TESK2: variants seen among roughly 807,000 people sequenced by gnomAD.
TESK2 encodes the protein dual specificity testis-specific protein kinase 2.
In TESK2, 39 loss-of-function variants were observed where a neutral mutation model predicts 57.1. The ratio of observed to expected loss-of-function variants is 0.68; its 90% CI spans 0.53 to 0.89. TESK2 has a LOEUF of 0.89. Ranked by LOEUF, TESK2 falls within the 40% of genes least tolerant of loss-of-function variation. The pLI is 0.00. For synonymous variants in TESK2, 249 were observed against 267.9 expected, an observed-to-expected ratio of 0.93 and a Z score of 0.69; for missense variants, 646 against 732.1, an observed-to-expected ratio of 0.88 and a Z score of 1.36.
chr1:45,401,414 T>A (rs377635641), intron 3 of TESK2, among the ~76,000 whole-genome samples: 1 of 151,266 alleles, frequency 6.6e-6, no homozygotes, highest in East Asian at 1.9e-4. Context: ...ATAATAATAA[T>A]AAATAAATAA....
chr1:45,349,527 CT>C (rs1375399582), intron 5 of TESK2, among the ~76,000 whole-genome samples: 8 of 152,150 alleles, frequency 5.3e-5, no homozygotes, highest in African/African-American at 1.9e-4. Context: ...CTCTTCCCTC[CT>C]AGAAGACTTT....
intron 2 of TESK2, among the ~76,000 whole-genome samples, chr1:45,438,397 G>A (rs1557574048): frequency 6.6e-6 from 1 of 152,166 alleles, no homozygotes; most frequent in Non-Finnish European, 1.5e-5. Context: ...TTGGGAGGCT[G>A]AGACAGCAGA....
Position 45,355,381 on chromosome 1 carries a change from T to C in TESK2, c.462A>G (p.Val154=), listed in dbSNP as rs1390299632. 1 of 1,614,056 alleles carries C rather than the reference T, an allele frequency of 6.2e-7. No individual in the cohort carries two copies. Among genetic ancestry groups the C allele is most frequent in the South Asian group, 1.1e-5 (1 of 91,042 alleles). Residue 154 remains valine (V), a synonymous_variant, in exon 5 of 11, where the codon GTA becomes GTG. Coordinates refer to ENST00000372086, the MANE Select transcript of TESK2 (RefSeq NM_007170.3). ...CCACTGCTATGTCATAGGCCAGTTT[T>C]ACCCTCACAGTCCAAGGCAAATGCA... ...SNLHLPWTVR[V]KLAYDIAVGL... is the part of the protein sequence containing the mutation.
chr1:45,470,501 A>T (rs1652717129), intron 1 of TESK2, among the ~76,000 whole-genome samples: 1 of 152,250 alleles, frequency 6.6e-6, no homozygotes, highest in East Asian at 1.9e-4. Context: ...TTATCTAATT[A>T]ACCACGAATA....
rs563503538 is a variant in TESK2, at chr1:45,463,007, G to T, written c.-86-5136C>A. Among the ~76,000 whole-genome samples, 84 of 152,270 alleles carry T rather than the reference G, an allele frequency of 5.5e-4. 1 individual carries two copies. Among genetic ancestry groups the T allele is most frequent in the African/African-American group, 2.0e-3 (83 of 41,574 alleles). ...TCAATATGTTTAGGAACTTTACATA[G>T]ATCTGTTTGCCATTTGTATGCCTCC... On this transcript the variant is annotated intron_variant, in intron 1 of 10. Coordinates refer to ENST00000372086, the MANE Select transcript of TESK2 (RefSeq NM_007170.3).
intron 4 of TESK2, among the ~76,000 whole-genome samples, chr1:45,372,125 G>A (rs1471829057): frequency 1.3e-5 from 2 of 152,108 alleles, no homozygotes; most frequent in Non-Finnish European, 1.5e-5. Flanking sequence ...GCACACGCCT[G>A]TAGTATCAGC....
At chr1:45,453,842 C>T (rs1651969142) in intron 2 of TESK2, among the ~76,000 whole-genome samples, 1 of 151,856 alleles carries the variant, frequency 6.6e-6, no homozygotes, top group African/African-American at 2.4e-5. Context: ...CAATGCAATT[C>T]AAAAATGAGC....
rs376568657 is a variant in TESK2 at position 45,352,595 on chromosome 1, G to A, written c.540+2708C>T. Among the ~76,000 whole-genome samples, 107 of 152,242 alleles carry A rather than the reference G, an allele frequency of 7.0e-4. 1 individual carries two copies. Among genetic ancestry groups the A allele is most frequent in the African/African-American group, 2.5e-3 (102 of 41,546 alleles). ...ATCTTTCCTGCTCAGAAAACTTGTCGTCTATGTAGCTAAACAATTATAAAA... is the reference window on the plus strand; with the variant it reads ...ATCTTTCCTGCTCAGAAAACTTGTCATCTATGTAGCTAAACAATTATAAAA... On this transcript the variant is annotated intron_variant, in intron 5 of 10. Coordinates refer to ENST00000372086, the MANE Select transcript of TESK2 (RefSeq NM_007170.3).
Position 45,445,312 on chromosome 1 carries a change from G to T in TESK2, c.222+12252C>A, listed in dbSNP as rs74966643. 5.6e-4 allele frequency among the ~76,000 whole-genome samples: 85 copies of T among 152,134 alleles called. No individual in the cohort carries two copies. In the East Asian group the frequency reaches 0.013, roughly 23 times the overall value. On this transcript the variant is annotated intron_variant, in intron 2 of 10. Transcript: ENST00000372086. Reference sequence around the variant, plus strand: ...CTTGGGGAGATAGACTTGAGAAATAGCTCTCATTCTCATTGCTTGGCTTGC... The same window carrying T: ...CTTGGGGAGATAGACTTGAGAAATATCTCTCATTCTCATTGCTTGGCTTGC...
intron 2 of TESK2, among the ~76,000 whole-genome samples, chr1:45,434,806 C>G (rs1403456575): frequency 6.6e-6 from 1 of 152,042 alleles, no homozygotes; most frequent in African/African-American, 2.4e-5. Flanking sequence ...TGTCTCTTCA[C>G]TCTATTGTTT....
At chr1:45,445,798 GA>G (rs1210225004) in intron 2 of TESK2, among the ~76,000 whole-genome samples, 1 of 151,694 alleles carries the variant, frequency 6.6e-6, no homozygotes, top group Non-Finnish European at 1.5e-5. Flanking sequence ...CTGTCTCCAA[GA>G]AATAAATAAA....
chr1:45,472,374 A>G (rs1271188982), intron 1 of TESK2, among the ~76,000 whole-genome samples: 2 of 151,604 alleles, frequency 1.3e-5, no homozygotes, highest in Admixed American at 1.3e-4. Context: ...CCTGGCCAAC[A>G]TGGGGAAACC....
At chr1:45,476,638 G>C (rs890674093) in intron 1 of TESK2, among the ~76,000 whole-genome samples, 1 of 151,448 alleles carries the variant, frequency 6.6e-6, no homozygotes, top group East Asian at 2.0e-4. Context: ...ACAAGGTCAG[G>C]AGATCAAGGC....
chr1:45,441,437 A>G (rs1487854510), intron 2 of TESK2, among the ~76,000 whole-genome samples: 1 of 151,958 alleles, frequency 6.6e-6, no homozygotes, highest in Non-Finnish European at 1.5e-5. Context: ...TCGTCCTCCC[A>G]GTGTGCTGAG....
At chr1:45,443,292 T>C (rs1371738403) in intron 2 of TESK2, among the ~76,000 whole-genome samples, 1 of 151,906 alleles carries the variant, frequency 6.6e-6, no homozygotes, top group Non-Finnish European at 1.5e-5. Flanking sequence ...TGGCCGGGCA[T>C]GGTGGTTCAT....
At chr1:45,479,022 C>G (rs183909389) in intron 1 of TESK2, among the ~76,000 whole-genome samples, 1 of 152,212 alleles carries the variant, frequency 6.6e-6, no homozygotes, top group East Asian at 1.9e-4. Flanking sequence ...CCATACCCAG[C>G]CTGTTTTTAA....
intron 8 of TESK2, 36 bp downstream of exon 8, chr1:45,346,943 C>G (rs1320970890): frequency 6.2e-7 from 1 of 1,604,326 alleles, no homozygotes; most frequent in African/African-American, 1.3e-5. Context: ...CAAACTAGCC[C>G]CATCAGTGGC....
At chr1:45,466,389 T>A (rs1652553116) in intron 1 of TESK2, among the ~76,000 whole-genome samples, 1 of 151,874 alleles carries the variant, frequency 6.6e-6, no homozygotes, top group Admixed American at 6.6e-5. Flanking sequence ...GCAGGAGAAT[T>A]GCTTGAACCC....
chr1:45,347,105 G>A, intron 7 of TESK2, 43 bp from the exon 8 acceptor site: 1 of 1,585,116 alleles, frequency 6.3e-7, no homozygotes, highest in Non-Finnish European at 8.7e-7. Context: ...AATGGGTTGA[G>A]GGGTAGGGTA....
Sources: gnomAD v4.1 joint callset for allele counts (sites outside exome capture counted in the v4.1 genomes callset) on GRCh38, gnomAD v4.1.1 for gene constraint, MANE v1.5 for transcripts, NCBI Gene and HGNC (gene_info 2026-07-23, HGNC 2026-07-21) for gene names.